RSRC1: variants seen among roughly 807,000 people sequenced by gnomAD.
The protein encoded by RSRC1 is arginine and serine rich coiled-coil 1.
RSRC1 carries 39 observed loss-of-function variants against 49.1 expected under a neutral mutation model. The ratio of observed to expected loss-of-function variants is 0.79; its 90% CI spans 0.61 to 1.04. RSRC1 has a LOEUF of 1.04. Among genes scored for constraint, RSRC1 ranks in the 50% least tolerant of loss-of-function variants. The pLI, the probability that RSRC1 is intolerant of heterozygous loss-of-function variation, is 0.00. For synonymous variants in RSRC1, 143 were observed against 130.8 expected (o/e 1.09, Z -0.63); for missense variants, 388 against 402.4 (o/e 0.96, Z 0.31).
At chr3:158,503,667 G>A (rs1402252921) in intron 7 of RSRC1, among the ~76,000 whole-genome samples, 2 of 152,092 alleles carry the variant, frequency 1.3e-5, no homozygotes, top group African/African-American at 4.8e-5. Context: ...ACGGAAGTAG[G>A]GGAGGGCGGC....
chr3:158,120,157 G>A (rs564795527), intron 1 of RSRC1, among the ~76,000 whole-genome samples: 1 of 152,262 alleles, frequency 6.6e-6, no homozygotes, highest in Admixed American at 6.5e-5. Context: ...AAGCTGGAAA[G>A]TGTCGTGGTA....
chr3:158,216,460 A>G (rs569934090), intron 4 of RSRC1, among the ~76,000 whole-genome samples: 1 of 150,728 alleles, frequency 6.6e-6, no homozygotes, highest in South Asian at 2.1e-4. Context: ...TCTCAATTTT[A>G]TGTTTATCTT....
intron 3 of RSRC1, among the ~76,000 whole-genome samples, chr3:158,188,935 T>C (rs1720073752): frequency 6.6e-6 from 1 of 151,916 alleles, no homozygotes; most frequent in East Asian, 1.9e-4. Context: ...TTTATTCTTT[T>C]CTTATATGTA....
intron 6 of RSRC1, among the ~76,000 whole-genome samples, chr3:158,434,334 T>A (rs1178614049): frequency 6.6e-6 from 1 of 151,950 alleles, no homozygotes; most frequent in Non-Finnish European, 1.5e-5. Flanking sequence ...TTATTTACAG[T>A]GTCTTCCCAA....
At chr3:158,454,252 C>A (rs913465459) in intron 6 of RSRC1, among the ~76,000 whole-genome samples, 7 of 152,024 alleles carry the variant, frequency 4.6e-5, no homozygotes, top group African/African-American at 7.3e-5. Flanking sequence ...AACTCTATGA[C>A]CTTGAAAATT....
At chr3:158,469,304 A>C (rs1255438860) in intron 7 of RSRC1, 1 of 398,272 alleles carries the variant, frequency 2.5e-6, no homozygotes, top group Non-Finnish European at 4.9e-6. Flanking sequence ...TAGTTATTTA[A>C]TTCAATCATC....
At chr3:158,295,729 A>G (rs1727198637) in intron 4 of RSRC1, among the ~76,000 whole-genome samples, 1 of 152,148 alleles carries the variant, frequency 6.6e-6, no homozygotes, top group Non-Finnish European at 1.5e-5. Context: ...AAAACATTTT[A>G]TAAATATCTT....
chr3:158,458,503 T>G (rs1322367132), intron 6 of RSRC1, among the ~76,000 whole-genome samples: 1 of 152,100 alleles, frequency 6.6e-6, no homozygotes, highest in Non-Finnish European at 1.5e-5. Flanking sequence ...AGGATGTCTA[T>G]AAGCATGGAA....
At chr3:158,476,995 G>T (rs1281062933) in intron 7 of RSRC1, among the ~76,000 whole-genome samples, 3 of 152,162 alleles carry the variant, frequency 2.0e-5, no homozygotes, top group Non-Finnish European at 4.4e-5. Flanking sequence ...ACTTCGAGGG[G>T]CTCAAGACTT....
intron 3 of RSRC1, among the ~76,000 whole-genome samples, chr3:158,131,002 T>A (rs1376633712): frequency 6.6e-6 from 1 of 152,116 alleles, no homozygotes; most frequent in Non-Finnish European, 1.5e-5. Flanking sequence ...CTCATTGCAG[T>A]GTCTAGGATC....
intron 4 of RSRC1, among the ~76,000 whole-genome samples, chr3:158,227,567 T>C (rs1578216281): frequency 6.6e-6 from 1 of 151,992 alleles, no homozygotes; most frequent in Admixed American, 6.6e-5. Context: ...TGGTGGTAGG[T>C]AGATACACTG....
chr3:158,328,028 T>C (rs932975489), intron 5 of RSRC1, among the ~76,000 whole-genome samples: 1 of 152,228 alleles, frequency 6.6e-6, no homozygotes, highest in African/African-American at 2.4e-5. Context: ...GTTTAAAGTC[T>C]GTTTTATCAG....
In RSRC1 at chr3:158,544,747, A is replaced by G. The variant is rs985070632; in HGVS notation, c.*472A>G. On this transcript the variant is annotated 3_prime_UTR_variant, in exon 10 of 10. Coordinates refer to ENST00000611884, the MANE Select transcript of RSRC1 (RefSeq NM_001271838.2). ...GGCACAATAAAAAGCACCCTAAACA[A>G]TGTAAGCAGAATGTGCATGTTAAAG... 7 of 152,284 alleles carry G rather than the reference A, an allele frequency of 4.6e-5. No homozygotes were observed. The highest frequency in any genetic ancestry group is 4.4e-5 in the Non-Finnish European group (3 of 68,078). 9.4% of individuals were successfully genotyped at this position (152,284 alleles called of 1,614,324 possible).
intron 3 of RSRC1, among the ~76,000 whole-genome samples, chr3:158,193,955 C>G (rs1720388336): frequency 6.6e-6 from 1 of 151,936 alleles, no homozygotes; most frequent in Admixed American, 6.6e-5. Flanking sequence ...CATACTAGTT[C>G]ATGACTATAA....
intron 7 of RSRC1, among the ~76,000 whole-genome samples, chr3:158,501,985 G>A (rs1261015733): frequency 1.3e-5 from 2 of 152,146 alleles, no homozygotes. Flanking sequence ...ATGCTTTAGA[G>A]AGGTTTTGTT....
At chr3:158,469,803 TAC>T (rs1177432901) in intron 7 of RSRC1, 1 of 152,140 alleles carries the variant, frequency 6.6e-6, no homozygotes, top group Non-Finnish European at 1.5e-5. Context: ...CTGCCTTAAT[TAC>T]AGGACTAGCA....
At chr3:158,404,978 T>C (rs1734084761) in intron 6 of RSRC1, among the ~76,000 whole-genome samples, 1 of 152,006 alleles carries the variant, frequency 6.6e-6, no homozygotes, top group Non-Finnish European at 1.5e-5. Flanking sequence ...ATCACTGTGA[T>C]TATTGTTATA....
intron 5 of RSRC1, among the ~76,000 whole-genome samples, chr3:158,316,116 G>A (rs1165210491): frequency 6.6e-6 from 1 of 151,680 alleles, no homozygotes; most frequent in East Asian, 1.9e-4. Flanking sequence ...AGGTTGCAGT[G>A]AGCCAAGATG....
intron 3 of RSRC1, among the ~76,000 whole-genome samples, chr3:158,148,669 A>G (rs1717320856): frequency 6.6e-6 from 1 of 152,004 alleles, no homozygotes; most frequent in Non-Finnish European, 1.5e-5. Flanking sequence ...GATTCTGCTG[A>G]GGGAAGAGTT....
Sources: gnomAD v4.1 joint callset for allele counts (sites outside exome capture counted in the v4.1 genomes callset) on GRCh38, gnomAD v4.1.1 for gene constraint, MANE v1.5 for transcripts, NCBI Gene and HGNC (gene_info 2026-07-23, HGNC 2026-07-21) for gene names.